Variants in SGMS2 observed in about 807,000 individuals in gnomAD.
The protein encoded by SGMS2 is phosphatidylcholine:ceramide cholinephosphotransferase 2.
A neutral mutation model predicts 43.8 loss-of-function variants in SGMS2; 21 were observed. The observed-to-expected ratio is 0.48, with a 90% CI of 0.34 to 0.69. The LOEUF is 0.69. Ranked by LOEUF, SGMS2 falls within the 30% of genes least tolerant of loss-of-function variation. SGMS2 has a pLI of 0.01. For synonymous variants in SGMS2, 167 were observed against 160.6 expected, an observed-to-expected ratio of 1.04 and a Z score of -0.30; for missense variants, 384 against 443.2, an observed-to-expected ratio of 0.87 and a Z score of 1.20.
In SGMS2 at chr4:107,910,476, C is replaced by T. The variant is rs568392036; in HGVS notation, c.1021C>T (p.Pro341Ser). 9.3e-6 allele frequency: 15 copies of T among 1,614,010 alleles called. No homozygotes were observed. The highest frequency in any genetic ancestry group is 1.3e-5 in the Non-Finnish European group (15 of 1,179,994). ...CCFSWPLSWP[P>S]GCFKSSCKKY... Reference sequence around the variant, plus strand: ...CTTCTCCTGGCCGCTGTCTTGGCCTCCTGGCTGCTTCAAATCATCATGCAA... The same window carrying T: ...CTTCTCCTGGCCGCTGTCTTGGCCTTCTGGCTGCTTCAAATCATCATGCAA... Residue 341 changes from proline to serine, a missense_variant, in exon 7 of 7, where the codon CCT becomes TCT. Coordinates refer to ENST00000690982, the MANE Select transcript of SGMS2 (RefSeq NM_001375905.1).
At chr4:107,860,862 G>A (rs915463058) in intron 2 of SGMS2, among the ~76,000 whole-genome samples, 1 of 152,176 alleles carries the variant, frequency 6.6e-6, no homozygotes, top group African/African-American at 2.4e-5. Flanking sequence ...AAACTTGTGA[G>A]AGTACCTGCT....
At chr4:107,905,965 A>G (rs1731523904) in intron 5 of SGMS2, among the ~76,000 whole-genome samples, 1 of 152,186 alleles carries the variant, frequency 6.6e-6, no homozygotes, top group Non-Finnish European at 1.5e-5. Context: ...GCTTTCTCCA[A>G]TATTTGATTA....
intron 1 of SGMS2, among the ~76,000 whole-genome samples, chr4:107,845,989 C>G (rs920641450): frequency 2.0e-5 from 3 of 152,154 alleles, no homozygotes; most frequent in African/African-American, 7.2e-5. Context: ...ATTTAGAATG[C>G]TCTTTACTTT....
chr4:107,908,566 T>G lies in SGMS2; in HGVS notation c.729T>G (p.Tyr243Ter). The part of the protein sequence containing the change: ...LTLTYLFIKE[Y>*]SPRHFWWYHL... ...CTCTGTAATTTTTCTACTGTCCAGATTCGCCTCGTCACTTCTGGTGGTATC... is the reference window on the plus strand; with the variant it reads ...CTCTGTAATTTTTCTACTGTCCAGAGTCGCCTCGTCACTTCTGGTGGTATC... Residue 243 changes from tyrosine (Y) to a stop codon, truncating the protein, a stop_gained and splice_region_variant, in exon 6 of 7, where the codon TAT becomes TAG. Coordinates refer to ENST00000690982, the MANE Select transcript of SGMS2 (RefSeq NM_001375905.1). LOFTEE classifies it high-confidence loss of function. 1.9e-6 allele frequency: 3 copies of G among 1,612,786 alleles called. No homozygotes were observed. Among genetic ancestry groups the G allele is most frequent in the Non-Finnish European group, 1.7e-6 (2 of 1,179,324 alleles).
chr4:107,869,300 C>T (rs1728375489), intron 2 of SGMS2, among the ~76,000 whole-genome samples: 1 of 151,888 alleles, frequency 6.6e-6, no homozygotes, highest in Non-Finnish European at 1.5e-5. Flanking sequence ...AGCACGAGAG[C>T]CAAGTGTGTA....
At chr4:107,847,104 G>T (rs1422386116) in intron 1 of SGMS2, among the ~76,000 whole-genome samples, 1 of 151,490 alleles carries the variant, frequency 6.6e-6, no homozygotes, top group African/African-American at 2.4e-5. Context: ...CTGTGCAGAA[G>T]CTCTTTAGTT....
At chr4:107,893,212 C>G (rs1730382084) in intron 2 of SGMS2, 1 of 152,056 alleles carries the variant, frequency 6.6e-6, no homozygotes, top group Non-Finnish European at 1.5e-5. Context: ...TTCTTCTGTT[C>G]CACATTCTGT....
At chr4:107,900,266 C>G (rs971190344) in intron 4 of SGMS2, among the ~76,000 whole-genome samples, 1 of 152,172 alleles carries the variant, frequency 6.6e-6, no homozygotes, top group African/African-American at 2.4e-5. Flanking sequence ...GGCATGAGAG[C>G]TGCAGGCTAA....
intron 1 of SGMS2, among the ~76,000 whole-genome samples, chr4:107,846,184 C>T (rs1326928903): frequency 2.0e-5 from 3 of 150,926 alleles, no homozygotes; most frequent in South Asian, 4.2e-4. Context: ...CATATGTATA[C>T]ATGTGCCATG....
Position 107,909,940 on chromosome 4 carries a change from T to G in SGMS2, c.895-410T>G, listed in dbSNP as rs535002488. Among the ~76,000 whole-genome samples, 3 of 152,310 alleles carry G rather than the reference T, an allele frequency of 2.0e-5. No individual in the cohort carries two copies. In the East Asian group the frequency reaches 5.8e-4, roughly 29 times the overall value. ...CCATCTTCCTTCTTACACTTCCATCTAGTTGACTACTGACACCACTGAACC... is the reference window on the plus strand; with the variant it reads ...CCATCTTCCTTCTTACACTTCCATCGAGTTGACTACTGACACCACTGAACC... On this transcript the variant is annotated intron_variant, in intron 6 of 6. Coordinates refer to ENST00000690982, the MANE Select transcript of SGMS2 (RefSeq NM_001375905.1).
rs748004867 is a variant in SGMS2 at position 107,913,411 on chromosome 4, G to GT, written c.*2862dup. The GT allele has an allele frequency of 6.6e-6, 1 of 152,112 alleles. No individual in the cohort carries two copies. Among genetic ancestry groups the GT allele is most frequent in the Non-Finnish European group, 1.5e-5 (1 of 68,022 alleles). 9.4% of individuals were successfully genotyped at this position (152,112 alleles called of 1,614,324 possible). ...CAAGTTTTGCTGTGGCAGGAAGGCT[G>GT]TTTTGAGAGTGAGCGTTGAGTCTAC... is the stretch of plus-strand genomic sequence containing the variant. On this transcript the variant is annotated 3_prime_UTR_variant, in exon 7 of 7. Transcript: ENST00000690982.
At chr4:107,841,526 T>C (rs1319863807) in intron 1 of SGMS2, among the ~76,000 whole-genome samples, 2 of 152,180 alleles carry the variant, frequency 1.3e-5, no homozygotes, top group South Asian at 2.1e-4. Context: ...AAATTGTCCT[T>C]GGATCTTCAG....
intron 1 of SGMS2, among the ~76,000 whole-genome samples, chr4:107,826,548 CT>C (rs149057725): frequency 1.4e-4 from 21 of 149,762 alleles, no homozygotes; most frequent in Admixed American, 2.7e-4. Flanking sequence ...TTACCTTTAC[CT>C]TTTTTTTTTC....
At chr4:107,827,931 A>T (rs1725685591) in intron 1 of SGMS2, among the ~76,000 whole-genome samples, 1 of 152,172 alleles carries the variant, frequency 6.6e-6, no homozygotes, top group Non-Finnish European at 1.5e-5. Flanking sequence ...GGTTGCAGTG[A>T]GCTGAGATTG....
chr4:107,844,065 A>G (rs760083108), intron 1 of SGMS2, among the ~76,000 whole-genome samples: 7 of 151,964 alleles, frequency 4.6e-5, no homozygotes, highest in African/African-American at 1.7e-4. Flanking sequence ...GCTCACGCCT[A>G]TAATCCCAGC....
In SGMS2 at chr4:107,903,247, T is replaced by A; in HGVS notation, c.588T>A (p.Ser196=). 1.2e-6 allele frequency: 2 copies of A among 1,614,052 alleles called. No homozygotes were observed. The highest frequency in any genetic ancestry group is 1.7e-6 in the Non-Finnish European group (2 of 1,179,914). ...FQCAPKLNGD[S]QAKVQRILRL... Reference sequence around the variant, plus strand: ...GTGTCATTCAGCTCAATGGAGACTCTCAGGCAAAAGTTCAACGGATTCTAC... The same window carrying A: ...GTGTCATTCAGCTCAATGGAGACTCACAGGCAAAAGTTCAACGGATTCTAC... Residue 196 remains serine (S), a synonymous_variant, in exon 5 of 7, where the codon TCT becomes TCA. Coordinates refer to ENST00000690982, the MANE Select transcript of SGMS2 (RefSeq NM_001375905.1).
intron 1 of SGMS2, among the ~76,000 whole-genome samples, chr4:107,829,733 T>C (rs1725781598): frequency 6.6e-6 from 1 of 152,172 alleles, no homozygotes; most frequent in Non-Finnish European, 1.5e-5. Context: ...ACTATTTATA[T>C]TATTATTCTT....
chr4:107,889,165 T>G (rs1030148027), intron 2 of SGMS2, among the ~76,000 whole-genome samples: 1 of 152,168 alleles, frequency 6.6e-6, no homozygotes. Flanking sequence ...GCCACAAGAT[T>G]AGAAGTTATG....
chr4:107,885,428 A>G (rs1013748500), intron 2 of SGMS2, among the ~76,000 whole-genome samples: 5 of 152,220 alleles, frequency 3.3e-5, no homozygotes, highest in Non-Finnish European at 7.3e-5. Context: ...TTATTTTAAT[A>G]GAAGTATGTA....
Sources: allele counts gnomAD v4.1 joint callset (sites outside exome capture counted in the v4.1 genomes callset), GRCh38; gene constraint gnomAD v4.1.1; transcripts MANE v1.5; gene names NCBI Gene and HGNC (gene_info 2026-07-23, HGNC 2026-07-21).